DNAH8: variants seen among roughly 807,000 people sequenced by gnomAD.
The protein encoded by DNAH8 is axonemal beta dynein heavy chain 8.
DNAH8 carries 382 observed loss-of-function variants against 562.1 expected under a neutral mutation model. The observed-to-expected ratio is 0.68, with a 90% CI of 0.63 to 0.74. The LOEUF (loss-of-function observed/expected upper bound fraction) is 0.74, where lower values mean the gene tolerates loss of function less well. DNAH8 is among the 30% of genes least tolerant of loss of function. DNAH8 has a pLI of 0.00. For synonymous variants in DNAH8, 1,881 were observed against 1,919.4 expected (o/e 0.98, Z 0.52); for missense variants, 5,203 against 5,620.4 (o/e 0.93, Z 2.37).
At position 38,842,893 on chromosome 6, in the gene DNAH8, A is replaced by T. The variant is rs375356688; in HGVS notation, c.4835A>T (p.Asp1612Val). 49 of 1,613,532 alleles carry T rather than the reference A, an allele frequency of 3.0e-5. No individual in the cohort carries two copies. The highest frequency in any genetic ancestry group is 4.1e-5 in the Non-Finnish European group (48 of 1,179,748). Residue 1612 changes from aspartate (D) to valine (V), a missense_variant, in exon 35 of 93, where the codon GAT becomes GTT. Transcript: ENST00000327475. ...GAAGCACCACTCCTTAAACATAAGGATGATATTGAGGTACATAAGTGTATA... is the reference window on the plus strand; with the variant it reads ...GAAGCACCACTCCTTAAACATAAGGTTGATATTGAGGTACATAAGTGTATA... ...IMEAPLLKHK[D>V]DIEDICISAI...
At chr6:39,007,258 G>T (rs905425525) in intron 88 of DNAH8, among the ~76,000 whole-genome samples, 3 of 152,108 alleles carry the variant, frequency 2.0e-5, no homozygotes, top group African/African-American at 7.2e-5. Context: ...GTGTAGAATT[G>T]CTATATTAAA....
At chr6:38,965,706 C>A (rs1355068229) in intron 82 of DNAH8, among the ~76,000 whole-genome samples, 2 of 152,158 alleles carry the variant, frequency 1.3e-5, no homozygotes, top group African/African-American at 4.8e-5. Context: ...CCTGCATACA[C>A]GCTTCTCTTG....
At chr6:38,862,656 G>C (rs1303209176) in intron 44 of DNAH8, among the ~76,000 whole-genome samples, 198 bp downstream of exon 44, 1 of 152,118 alleles carries the variant, frequency 6.6e-6, no homozygotes, top group Admixed American at 6.5e-5. Flanking sequence ...ACTATTGCTA[G>C]TGTTATAGTC....
Position 38,791,579 on chromosome 6 carries a change from A to G in DNAH8, c.2806A>G (p.Ile936Val). Residue 936 changes from isoleucine to valine, a missense_variant, in exon 21 of 93, where the codon ATT becomes GTT. Coordinates refer to ENST00000327475, the MANE Select transcript of DNAH8 (RefSeq NM_001206927.2). Reference sequence around the variant, plus strand: ...GATCAGTGACTTGTGTGAAATGCATATTGATACAGTTCTGAAGGAGATAGC... The same window carrying G: ...GATCAGTGACTTGTGTGAAATGCATGTTGATACAGTTCTGAAGGAGATAGC... Reference protein sequence around the residue: ...KKISDLCEMHIDTVLKEIAKT... With the variant: ...KKISDLCEMHVDTVLKEIAKT... 6.2e-7 allele frequency: 1 copy of G among 1,613,062 alleles called. No homozygotes were observed.
chr6:38,880,445 C>T (rs567384197), intron 53 of DNAH8, among the ~76,000 whole-genome samples: 2 of 151,792 alleles, frequency 1.3e-5, no homozygotes, highest in African/African-American at 4.8e-5. Flanking sequence ...CTAGCCAGTG[C>T]GATGGGGGGA....
At chr6:38,780,182 G>C in intron 15 of DNAH8, 117 bp downstream of exon 15, 2 of 1,000,002 alleles carry the variant, frequency 2.0e-6, no homozygotes, top group Non-Finnish European at 2.9e-6. Context: ...TCTCTGCTAA[G>C]GAGCATTGAC....
At chr6:38,954,271 A>G (rs1205967978) in intron 82 of DNAH8, among the ~76,000 whole-genome samples, 1 of 152,200 alleles carries the variant, frequency 6.6e-6, no homozygotes, top group Non-Finnish European at 1.5e-5. Flanking sequence ...TAAAAAGAAC[A>G]CCTAAAAACA....
chr6:38,864,321 T>A (rs1776876799), intron 45 of DNAH8, among the ~76,000 whole-genome samples: 2 of 152,180 alleles, frequency 1.3e-5, no homozygotes, highest in Admixed American at 6.5e-5. Flanking sequence ...GACCACATAG[T>A]ATAATATGTG....
Position 38,779,992 on chromosome 6 carries a change from T to A in DNAH8, c.2066T>A (p.Leu689Gln). 6.2e-7 allele frequency: 1 copy of A among 1,614,066 alleles called. No homozygotes were observed. The highest frequency in any genetic ancestry group is 1.7e-4 in the Middle Eastern group (1 of 6,060). ...TTTCAGAAGCTGAACATTCCCTGTC[T>A]GGGATTAGAAATAAACCACACAATA... ...QRFQKLNIPC[L>Q]GLEINHTIER... The change falls in exon 15 of 93, where the codon CTG (leucine) becomes CAG (glutamine). Residue 689 changes from leucine to glutamine, a missense_variant. This residue lies in a region of DNAH8 where 2,176 missense variants were observed against 2,365.1 expected (regional missense o/e 0.92). Coordinates refer to ENST00000327475, the MANE Select transcript of DNAH8 (RefSeq NM_001206927.2).
At chr6:38,886,564 A>G (rs990666407) in intron 56 of DNAH8, among the ~76,000 whole-genome samples, 9 of 152,194 alleles carry the variant, frequency 5.9e-5, no homozygotes, top group Non-Finnish European at 1.3e-4. Flanking sequence ...AGTTTGATCA[A>G]TGTGGTGAAA....
At chr6:38,908,222 T>C (rs1260297410) in intron 64 of DNAH8, 102 bp downstream of exon 64, 8 of 634,330 alleles carry the variant, frequency 1.3e-5, no homozygotes, top group Non-Finnish European at 1.9e-5. Flanking sequence ...AAATTAATAT[T>C]TTTACATTGA....
chr6:38,733,929 GA>G (rs962041285), intron 4 of DNAH8, among the ~76,000 whole-genome samples: 22 of 123,136 alleles, frequency 1.8e-4, no homozygotes, highest in Admixed American at 3.4e-4. Context: ...AAAAGAAAAA[GA>G]AAAAAAAAAG....
intron 19 of DNAH8, 73 bp from the exon 20 acceptor site, chr6:38,790,216 G>A: frequency 1.2e-6 from 1 of 812,628 alleles, no homozygotes; most frequent in Non-Finnish European, 2.1e-6. Flanking sequence ...ATATTTGTAG[G>A]TGATAAATCC....
chr6:38,820,348 C>A (rs1772709853), intron 26 of DNAH8, among the ~76,000 whole-genome samples: 1 of 152,132 alleles, frequency 6.6e-6, no homozygotes, highest in African/African-American at 2.4e-5. Context: ...ATAAATGTGG[C>A]TAAGGATTTG....
chr6:38,856,038 A>G (rs377303938), intron 41 of DNAH8, among the ~76,000 whole-genome samples: 3 of 152,358 alleles, frequency 2.0e-5, no homozygotes, highest in African/African-American at 7.2e-5. Flanking sequence ...GACCACTGGT[A>G]TAGATCACTA....
intron 89 of DNAH8, among the ~76,000 whole-genome samples, chr6:39,011,102 C>T (rs575332382): frequency 2.0e-5 from 3 of 152,248 alleles, no homozygotes; most frequent in African/African-American, 7.2e-5. Context: ...TATCTGTGCT[C>T]AGTGTTATAT....
rs1020641710 is a variant in DNAH8, at chr6:38,998,085, C to A, written c.13214+7913C>A. Among the ~76,000 whole-genome samples the A allele has an allele frequency of 3.9e-5, 6 of 152,134 alleles. 1 individual carries two copies. The South Asian group carries it at 6.2e-4, about 16-fold the overall frequency. On this transcript the variant is annotated intron_variant, in intron 88 of 92. Transcript: ENST00000327475. ...CACTTGATGATAGGCTATAATTGGG[C>A]CATGATGGAGAACTCGATGCCCCCT...
intron 48 of DNAH8, 150 bp from the exon 49 acceptor site, chr6:38,870,251 C>T (rs565256835): frequency 2.6e-5 from 17 of 654,960 alleles, no homozygotes; most frequent in Middle Eastern, 3.4e-4. Context: ...CAGTGATATT[C>T]TGGAGAAAGT....
intron 81 of DNAH8, among the ~76,000 whole-genome samples, chr6:38,950,735 G>A (rs1450541385): frequency 6.6e-6 from 1 of 152,046 alleles, no homozygotes; most frequent in Non-Finnish European, 1.5e-5. Flanking sequence ...CACCGTGCCT[G>A]GCCAGGGCTA....
Sources: allele counts gnomAD v4.1 joint callset (sites outside exome capture counted in the v4.1 genomes callset), GRCh38; gene constraint gnomAD v4.1.1; regional missense constraint gnomAD v4.1.1; transcripts MANE v1.5; gene names NCBI Gene and HGNC (gene_info 2026-07-23, HGNC 2026-07-21).